The following DCBLD1 variants were observed in gnomAD, a reference collection of about 807,000 sequenced individuals.
The protein encoded by DCBLD1 is discoidin, CUB and LCCL domain-containing protein 1.
A neutral mutation model predicts 71.5 loss-of-function variants in DCBLD1; 57 were observed. The ratio of observed to expected loss-of-function variants is 0.80; its 90% CI spans 0.64 to 0.99. The LOEUF is 0.99. DCBLD1 is among the 50% of genes least tolerant of loss of function. The pLI, the probability that DCBLD1 is intolerant of heterozygous loss-of-function variation, is 0.00. For synonymous variants in DCBLD1, 380 were observed against 363.8 expected, an observed-to-expected ratio of 1.04 and a Z score of -0.51; for missense variants, 891 against 923.5, an observed-to-expected ratio of 0.96 and a Z score of 0.46.
chr6:117,541,865 T>C (rs184735042), intron 11 of DCBLD1, among the ~76,000 whole-genome samples: 2 of 152,356 alleles, frequency 1.3e-5, no homozygotes, highest in African/African-American at 4.8e-5. Context: ...TCCAATGTTA[T>C]TGGAAGGTTG....
At chr6:117,538,999 G>A (rs1022501320) in intron 8 of DCBLD1, 164 bp downstream of exon 8, 2 of 834,390 alleles carry the variant, frequency 2.4e-6, no homozygotes, top group East Asian at 2.7e-5. Flanking sequence ...TCTGTGAAAA[G>A]AATCTGTATG....
downstream of DCBLD1, among the ~76,000 whole-genome samples, chr6:117,551,064 C>T (rs999767876): frequency 6.6e-6 from 1 of 152,186 alleles, no homozygotes; most frequent in Non-Finnish European, 1.5e-5. Context: ...CACTACAGAT[C>T]CCCTGTCTCC....
At chr6:117,554,775 C>T, downstream of DCBLD1, among the ~76,000 whole-genome samples, 1 of 151,956 alleles carries the variant, frequency 6.6e-6, no homozygotes, top group East Asian at 1.9e-4. Context: ...TGCCTGTAGT[C>T]CCAGCTACTC....
chr6:117,527,059 A>G (rs899400702), intron 5 of DCBLD1, among the ~76,000 whole-genome samples: 17 of 152,130 alleles, frequency 1.1e-4, no homozygotes, highest in Non-Finnish European at 2.5e-4. Context: ...TTCTTCCTGG[A>G]TTTTGGCTGG....
At chr6:117,517,665 A>G (rs543641571) in intron 2 of DCBLD1, among the ~76,000 whole-genome samples, 1 of 152,200 alleles carries the variant, frequency 6.6e-6, no homozygotes, top group East Asian at 1.9e-4. Context: ...CCAAACCCCA[A>G]TTCTTGACTT....
chr6:117,562,109 A>G, intron 14 of DCBLD1: 1 of 206,638 alleles, frequency 4.8e-6, no homozygotes, highest in Non-Finnish European at 9.9e-6. Flanking sequence ...AGAATATTAA[A>G]TCAGAGAGGA....
At chr6:117,499,204 C>G (rs558756947) in intron 1 of DCBLD1, among the ~76,000 whole-genome samples, 1 of 142,282 alleles carries the variant, frequency 7.0e-6, no homozygotes, top group Non-Finnish European at 1.5e-5. Context: ...GAGTTCCAGA[C>G]CAGCCTGGGC....
intron 14 of DCBLD1, among the ~76,000 whole-genome samples, chr6:117,559,283 G>GTTGA (rs1242703422): frequency 1.3e-5 from 2 of 152,220 alleles, no homozygotes; most frequent in South Asian, 2.1e-4. Context: ...GGAAGCTGGA[G>GTTGA]TTGATTGGAG....
chr6:117,507,881 A>G (rs1777891450), intron 2 of DCBLD1: 2 of 152,258 alleles, frequency 1.3e-5, no homozygotes, highest in Non-Finnish European at 2.9e-5. Context: ...AACAGTTTCT[A>G]ACATTAGAAA....
Position 117,548,604 on chromosome 6 carries a change from T to C in DCBLD1, c.*165T>C. 7.0e-7 allele frequency: 1 copy of C among 1,435,372 alleles called. No homozygotes were observed. The allele number at this position is 1,435,372 out of a possible 1,614,324, so 88.9% of individuals were successfully genotyped here. ...ATCCTAGAGACAACCTGTCATACTGTTTACAAAATTGTGCAGCTGGTTTCG... is the reference window on the plus strand; with the variant it reads ...ATCCTAGAGACAACCTGTCATACTGCTTACAAAATTGTGCAGCTGGTTTCG... On this transcript the variant is annotated 3_prime_UTR_variant, in exon 15 of 15. Transcript: ENST00000338728.
chr6:117,547,019 C>A (rs906260224), intron 14 of DCBLD1, among the ~76,000 whole-genome samples: 2 of 152,208 alleles, frequency 1.3e-5, no homozygotes, highest in African/African-American at 4.8e-5. Flanking sequence ...TAACAAATTC[C>A]TGATTCCTGT....
In DCBLD1 at chr6:117,548,366, C is replaced by T. The variant is rs532430975; in HGVS notation, c.2075C>T (p.Thr692Met). The T allele has an allele frequency of 3.2e-6, 5 of 1,550,566 alleles. No individual in the cohort carries two copies. The highest frequency in any genetic ancestry group is 2.0e-5 in the Admixed American group (1 of 50,990). The change falls in exon 15 of 15, where the codon ACG becomes ATG. Residue 692 changes from threonine to methionine, a missense_variant. Physicochemically the swap from Thr to Met is moderately conservative, Grantham distance 81. Transcript: ENST00000338728. ...DSQKPPTHPG[T>M]SDSYSAPRDC... ...CAGAAGCCCCCAACGCATCCCGGGA[C>T]GAGTGACAGCTATTCTGCCCCCAGA...
chr6:117,532,043 T>C (rs1778739055), intron 5 of DCBLD1, among the ~76,000 whole-genome samples: 1 of 152,194 alleles, frequency 6.6e-6, no homozygotes, highest in South Asian at 2.1e-4. Context: ...CACTCACATG[T>C]GTAGCAGTTA....
rs188591508 is a variant in DCBLD1 at position 117,549,244 on chromosome 6, G to T, written c.*805G>T. ...ACCTCAGATTAAAAATATTGCTGAG[G>T]TCAGACGCCACAATTTTCATGACTT... On this transcript the variant is annotated 3_prime_UTR_variant, in exon 15 of 15. Transcript: ENST00000338728. 4 of 985,392 alleles carry T rather than the reference G, an allele frequency of 4.1e-6. No homozygotes were observed. The African/African-American group carries it at 5.2e-5, about 13-fold the overall frequency. 61.0% of individuals were successfully genotyped at this position (985,392 alleles called of 1,614,324 possible).
intron 2 of DCBLD1, among the ~76,000 whole-genome samples, chr6:117,515,020 G>GGTTTTTTTTT (rs1402023741): frequency 7.3e-6 from 1 of 136,996 alleles, no homozygotes. Context: ...CAGTTTGTGG[G>GGTTTTTTTTT]TTTTTTTTTT....
chr6:117,547,946 C>G lies in DCBLD1; in HGVS notation c.1655C>G (p.Thr552Arg). Residue 552 changes from threonine to arginine, a missense_variant, in exon 15 of 15, where the codon ACG becomes AGG. By Grantham distance (71) the Thr-to-Arg change is moderately conservative. Transcript: ENST00000338728. ...CTCATGATTGGCACCGGGACAGTCA[C>G]GAGGAAGGGCTCCACCTTCCGGCCC... ...QPLMIGTGTVTRKGSTFRPMD... is the reference protein window; with the variant it reads ...QPLMIGTGTVRRKGSTFRPMD... 1 of 1,550,584 alleles carries G rather than the reference C, an allele frequency of 6.4e-7. No homozygotes were observed. Among genetic ancestry groups the G allele is most frequent in the East Asian group, 2.4e-5 (1 of 40,906 alleles).
intron 14 of DCBLD1, chr6:117,561,172 A>C (rs1306256225): frequency 1.3e-5 from 3 of 224,032 alleles, no homozygotes; most frequent in Non-Finnish European, 2.7e-5. Flanking sequence ...TTTTCATTCT[A>C]TTTATCAGTC....
chr6:117,505,799 T>C (rs972220155), intron 2 of DCBLD1, among the ~76,000 whole-genome samples: 1 of 151,990 alleles, frequency 6.6e-6, no homozygotes, highest in Non-Finnish European at 1.5e-5. Flanking sequence ...GAGACCCCCA[T>C]CTCTACATTG....
At chr6:117,534,623 A>G (rs1248806346) in intron 6 of DCBLD1, among the ~76,000 whole-genome samples, 3 of 152,178 alleles carry the variant, frequency 2.0e-5, no homozygotes, top group Non-Finnish European at 4.4e-5. Context: ...AGGATAACAA[A>G]AAGTTTAACT....
Sources: allele counts gnomAD v4.1 joint callset (sites outside exome capture counted in the v4.1 genomes callset), GRCh38; gene constraint gnomAD v4.1.1; transcripts MANE v1.5; gene names NCBI Gene and HGNC (gene_info 2026-07-23, HGNC 2026-07-21).